POM121C: variants seen among roughly 807,000 people sequenced by gnomAD.
The protein encoded by POM121C is POM121 transmembrane nucleoporin C.
In POM121C, 20 loss-of-function variants were observed where a neutral mutation model predicts 66.4. The ratio of observed to expected loss-of-function variants is 0.30; its 90% confidence interval spans 0.21 to 0.44. The LOEUF is 0.44. Among genes scored for constraint, POM121C ranks in the 20% least tolerant of loss-of-function variants. POM121C has a pLI of 1.00. For synonymous variants in POM121C, 286 were observed against 528.0 expected, an observed-to-expected ratio of 0.54 and a Z score of 6.28; for missense variants, 580 against 1,225.7, an observed-to-expected ratio of 0.47 and a Z score of 7.87.
intron 3 of POM121C, among the ~76,000 whole-genome samples, chr7:75,456,493 C>T (rs1554476305): frequency 6.6e-6 from 1 of 152,148 alleles, no homozygotes; most frequent in African/African-American, 2.4e-5. Context: ...AGGCGAGTCA[C>T]AGGGAGAAGA....
intron 3 of POM121C, chr7:75,442,214 T>C: frequency 7.9e-6 from 9 of 1,135,772 alleles, no homozygotes; most frequent in Non-Finnish European, 8.8e-6. Context: ...GTGAACGCGA[T>C]GGGTCGGCTG....
At chr7:75,446,713 T>C (rs587729909) in intron 3 of POM121C, among the ~76,000 whole-genome samples, 7 of 152,008 alleles carry the variant, frequency 4.6e-5, no homozygotes, top group South Asian at 2.1e-4. Context: ...AAAATGTATA[T>C]AGGAATAAAA....
At chr7:75,446,900 C>T (rs1339125618) in intron 3 of POM121C, among the ~76,000 whole-genome samples, 4 of 141,156 alleles carry the variant, frequency 2.8e-5, no homozygotes, top group African/African-American at 7.9e-5. Flanking sequence ...CCCAGCTACT[C>T]GGGAGGCTGA....
chr7:75,433,328 A>G (rs1554472613), intron 7 of POM121C, among the ~76,000 whole-genome samples: 1 of 151,584 alleles, frequency 6.6e-6, no homozygotes, highest in Non-Finnish European at 1.5e-5. Flanking sequence ...TCCTGTAAGA[A>G]TTATTTTATG....
chr7:75,439,328 C>G, intron 5 of POM121C, 104 bp from the exon 6 acceptor site: 2 of 1,485,248 alleles, frequency 1.3e-6, no homozygotes, highest in Non-Finnish European at 1.9e-6. Flanking sequence ...CTATGGAGCA[C>G]AGATTCCATG....
rs1450997641 is a variant in POM121C, at chr7:75,474,715, T to C, written c.-163A>G. Reference sequence around the variant, plus strand: ...CTCTACTAACTTACCAGGACTATGTTGACATGGAAATTCACCTCCCGTTAT... The same window carrying C: ...CTCTACTAACTTACCAGGACTATGTCGACATGGAAATTCACCTCCCGTTAT... On this transcript the variant is annotated 5_prime_UTR_variant, in exon 3 of 15. Coordinates refer to ENST00000615331, the MANE Select transcript of POM121C (RefSeq NM_001099415.3). 1 of 1,484,274 alleles carries C rather than the reference T, an allele frequency of 6.7e-7. No homozygotes were observed. Among genetic ancestry groups the C allele is most frequent in the African/African-American group, 1.4e-5 (1 of 71,894 alleles). The allele number at this position is 1,484,274 out of a possible 1,614,324, so 91.9% of individuals were successfully genotyped here. A position where few individuals can be genotyped will look rare whatever the true frequency, so the allele number is the denominator to read the frequency against.
At chr7:75,418,916 C>T (rs1554470192) in intron 14 of POM121C, 23 bp from the exon 15 acceptor site, 1 of 1,578,676 alleles carries the variant, frequency 6.3e-7, no homozygotes, top group Non-Finnish European at 8.6e-7. Flanking sequence ...AACAAGACCT[C>T]ATCAGGGCAG....
At chr7:75,427,567 T>C (rs1381654187) in intron 7 of POM121C, among the ~76,000 whole-genome samples, 2 of 151,124 alleles carry the variant, frequency 1.3e-5, no homozygotes, top group Non-Finnish European at 2.9e-5. Context: ...GGTGAGTTCT[T>C]GACAGCAAAG....
intron 7 of POM121C, among the ~76,000 whole-genome samples, chr7:75,427,654 C>T (rs1314605019): frequency 5.9e-5 from 9 of 151,902 alleles, no homozygotes; most frequent in Admixed American, 2.6e-4. Flanking sequence ...CAAATAGTCT[C>T]GTAAGTGCTG....
intron 1 of POM121C, among the ~76,000 whole-genome samples, chr7:75,481,609 C>A (rs1305334486): frequency 1.3e-5 from 2 of 152,108 alleles, no homozygotes; most frequent in Non-Finnish European, 2.9e-5. Context: ...AGAAGAGGAT[C>A]ACTTGAGCCC....
chr7:75,467,107 A>T (rs1791680456), intron 3 of POM121C, among the ~76,000 whole-genome samples: 2 of 152,220 alleles, frequency 1.3e-5, no homozygotes, highest in Admixed American at 1.3e-4. Flanking sequence ...ATATTCTGAA[A>T]ATGCCAAAAG....
intron 3 of POM121C, among the ~76,000 whole-genome samples, chr7:75,450,864 CA>C (rs1176663412): frequency 6.6e-6 from 1 of 152,156 alleles, no homozygotes; most frequent in Non-Finnish European, 1.5e-5. Flanking sequence ...ACAAATCATG[CA>C]AAGACAAGGG....
chr7:75,477,602 T>C (rs1233358124), intron 1 of POM121C, among the ~76,000 whole-genome samples: 2 of 151,864 alleles, frequency 1.3e-5, no homozygotes, highest in African/African-American at 2.4e-5. Context: ...AAATCAAAAA[T>C]AGCTCAGGGA....
intron 1 of POM121C, among the ~76,000 whole-genome samples, chr7:75,482,190 G>A (rs1290681818): frequency 6.6e-6 from 1 of 152,102 alleles, no homozygotes; most frequent in Non-Finnish European, 1.5e-5. Context: ...GCACGCAGGA[G>A]ACATACTATG....
At chr7:75,419,009 C>T (rs1421811646) in intron 14 of POM121C, 116 bp from the exon 15 acceptor site, 17 of 1,459,168 alleles carry the variant, frequency 1.2e-5, no homozygotes, top group Non-Finnish European at 1.5e-5. Context: ...CTCAATAGGG[C>T]TTTCCCCGCT....
chr7:75,485,708 A>G (rs1296202348), intron 1 of POM121C, among the ~76,000 whole-genome samples, 156 bp downstream of exon 1: 7 of 152,170 alleles, frequency 4.6e-5, no homozygotes, highest in East Asian at 3.9e-4. Flanking sequence ...CCCATGCAGC[A>G]CCTGTTCGGT....
chr7:75,449,744 G>A (rs1351056367), intron 3 of POM121C, among the ~76,000 whole-genome samples: 1 of 152,058 alleles, frequency 6.6e-6, no homozygotes, highest in African/African-American at 2.4e-5. Flanking sequence ...GGCCAGGCAC[G>A]GTGGCTCATG....
chr7:75,450,858 A>T (rs1421098042), intron 3 of POM121C, among the ~76,000 whole-genome samples: 2 of 152,236 alleles, frequency 1.3e-5, no homozygotes, highest in African/African-American at 4.8e-5. Context: ...ACAATCACAA[A>T]TCATGCAAAG....
intron 7 of POM121C, among the ~76,000 whole-genome samples, 196 bp downstream of exon 7, chr7:75,437,319 C>A (rs1393002661): frequency 5.9e-5 from 9 of 152,158 alleles, no homozygotes; most frequent in African/African-American, 1.9e-4. Context: ...AAAAAAATTT[C>A]TTTAAAGATT....
Sources: allele counts gnomAD v4.1 joint callset (sites outside exome capture counted in the v4.1 genomes callset), GRCh38; gene constraint gnomAD v4.1.1; transcripts MANE v1.5; gene names NCBI Gene and HGNC (gene_info 2026-07-23, HGNC 2026-07-21).